Variants in RBFOX1 observed in about 807,000 individuals in gnomAD.
RBFOX1 encodes RNA binding protein fox-1 homolog 1.
RBFOX1 carries 8 observed loss-of-function variants against 57.7 expected under a neutral mutation model. That is an observed-to-expected ratio of 0.14 (90% confidence interval 0.08 to 0.25). RBFOX1 has a LOEUF of 0.25. RBFOX1 is among the 10% of genes least tolerant of loss of function. The pLI, the probability that RBFOX1 is intolerant of heterozygous loss-of-function variation, is 1.00. For synonymous variants in RBFOX1, 326 were observed against 222.4 expected (o/e 1.47, Z -4.15); for missense variants, 611 against 548.5 (o/e 1.11, Z -1.14).
intron 4 of RBFOX1, chr16:7,126,345 G>C: frequency 3.7e-6 from 1 of 267,844 alleles, no homozygotes; most frequent in Non-Finnish European, 7.3e-6. Context: ...TCTAAATCGA[G>C]GTGGGGGTTT....
intron 3 of RBFOX1, among the ~76,000 whole-genome samples, chr16:5,677,221 C>G (rs1206110535): frequency 6.6e-6 from 1 of 152,204 alleles, no homozygotes; most frequent in Non-Finnish European, 1.5e-5. Context: ...GATACCAATT[C>G]TCTTGAGGCT....
intron 3 of RBFOX1, among the ~76,000 whole-genome samples, chr16:6,744,893 A>G (rs62017585): frequency 0.23 from 34,345 of 151,906 alleles, 4,003 homozygotes; most frequent in East Asian, 0.32. Flanking sequence ...CTTTGAAACC[A>G]AAAGCTGGTG....
chr16:6,528,408 A>T (rs1171252100), intron 2 of RBFOX1, among the ~76,000 whole-genome samples: 1 of 152,214 alleles, frequency 6.6e-6, no homozygotes, highest in Admixed American at 6.5e-5. Flanking sequence ...ATCAATGCAC[A>T]GTCATTGCAG....
At chr16:6,193,392 C>CTATA (rs55707901) in intron 1 of RBFOX1, among the ~76,000 whole-genome samples, 1,905 of 43,152 alleles carry the variant, frequency 0.044, 103 homozygotes, top group East Asian at 0.1. Flanking sequence ...TATATATATA[C>CTATA]TATATATATA....
At chr16:5,994,098 C>T (rs1199325962) in intron 4 of RBFOX1, among the ~76,000 whole-genome samples, 2 of 152,166 alleles carry the variant, frequency 1.3e-5, no homozygotes, top group African/African-American at 4.8e-5. Flanking sequence ...TCGTTCGACT[C>T]TCTCTGTTCC....
intron 6 of RBFOX1, among the ~76,000 whole-genome samples, chr16:7,581,975 C>T (rs1401378190): frequency 1.3e-5 from 2 of 152,014 alleles, no homozygotes; most frequent in Admixed American, 6.6e-5. Context: ...CCTTGGCCTC[C>T]CAATGTGCTG....
chr16:6,481,581 T>C (rs2095371759), intron 2 of RBFOX1, among the ~76,000 whole-genome samples: 2 of 152,222 alleles, frequency 1.3e-5, no homozygotes, highest in South Asian at 4.1e-4. Context: ...AATAATACTC[T>C]ATATTTGTGA....
chr16:6,799,810 T>G (rs2084943091), intron 3 of RBFOX1, among the ~76,000 whole-genome samples: 1 of 152,080 alleles, frequency 6.6e-6, no homozygotes, highest in Non-Finnish European at 1.5e-5. Context: ...CTAGAGGCTC[T>G]TGGGACTTTA....
At chr16:7,061,041 C>A (rs77619590) in intron 4 of RBFOX1, among the ~76,000 whole-genome samples, 2 of 69,448 alleles carry the variant, frequency 2.9e-5, no homozygotes, top group African/African-American at 9.1e-5. Context: ...TGTGTGTGTA[C>A]GTGCACGTGC....
intron 2 of RBFOX1, among the ~76,000 whole-genome samples, chr16:6,326,280 G>T (rs888957776): frequency 2.0e-5 from 3 of 152,082 alleles, no homozygotes; most frequent in Non-Finnish European, 2.9e-5. Context: ...TAGGTACTGA[G>T]GATATCATAG....
chr16:7,460,608 CTA>C (rs1567287214), intron 4 of RBFOX1, among the ~76,000 whole-genome samples: 1 of 150,694 alleles, frequency 6.6e-6, no homozygotes, highest in East Asian at 1.9e-4. Flanking sequence ...GAAAAAATAA[CTA>C]TGGGTACTAG....
intron 2 of RBFOX1, among the ~76,000 whole-genome samples, chr16:6,583,053 C>G (rs1455870094): frequency 2.6e-5 from 4 of 151,760 alleles, no homozygotes; most frequent in Non-Finnish European, 4.4e-5. Flanking sequence ...TCACCCTTCT[C>G]TTTGGTGTTC....
intron 3 of RBFOX1, among the ~76,000 whole-genome samples, chr16:6,805,094 A>C (rs1374234167): frequency 1.3e-5 from 2 of 152,168 alleles, no homozygotes; most frequent in Non-Finnish European, 2.9e-5. Flanking sequence ...ATGCACGTGA[A>C]TGTTCACTGC....
chr16:7,453,128 C>CTA (rs71391637), intron 4 of RBFOX1, among the ~76,000 whole-genome samples: 4 of 113,248 alleles, frequency 3.5e-5, no homozygotes, highest in Non-Finnish European at 7.2e-5. Flanking sequence ...GGCTTTGTCT[C>CTA]AAAAAAAAAA....
Position 7,424,721 on chromosome 16 carries a change from C to T in RBFOX1, c.28-93426C>T, listed in dbSNP as rs369969587. ...CCTATGGAAGGGGATACAATTTCAG[C>T]TTTGACAGTTTGGGATCATAGTATT... On this transcript the variant is annotated intron_variant, in intron 4 of 15. Coordinates refer to ENST00000550418, the MANE Select transcript of RBFOX1 (RefSeq NM_018723.4). Among the ~76,000 whole-genome samples the T allele has an allele frequency of 2.6e-4, 40 of 152,286 alleles. 1 individual carries two copies. The highest frequency in any genetic ancestry group is 7.7e-4 in the African/African-American group (32 of 41,570).
intron 5 of RBFOX1, among the ~76,000 whole-genome samples, chr16:7,527,906 G>A (rs986200508): frequency 1.2e-4 from 18 of 152,122 alleles, no homozygotes; most frequent in African/African-American, 4.3e-4. Flanking sequence ...GAAATTTCCC[G>A]TTTCAAGTGC....
At chr16:5,289,967 A>C (rs13338514) in intron 1 of RBFOX1, among the ~76,000 whole-genome samples, 66,376 of 152,138 alleles carry the variant, frequency 0.44, 14,891 homozygotes, top group Non-Finnish European at 0.5. Flanking sequence ...AGTGAAAACA[A>C]CACAAATGCT....
At chr16:7,620,527 C>T (rs1392024297) in intron 10 of RBFOX1, among the ~76,000 whole-genome samples, 1 of 152,098 alleles carries the variant, frequency 6.6e-6, no homozygotes, top group Non-Finnish European at 1.5e-5. Flanking sequence ...TACATTCTGC[C>T]CAAAGGCTTC....
At chr16:7,345,807 C>G (rs113039817) in intron 4 of RBFOX1, among the ~76,000 whole-genome samples, 13 of 152,090 alleles carry the variant, frequency 8.5e-5, no homozygotes, top group African/African-American at 3.1e-4. Flanking sequence ...TTTTCTTTTT[C>G]TTTTTTTAAT....
Sources: allele counts gnomAD v4.1 joint callset (sites outside exome capture counted in the v4.1 genomes callset), GRCh38; gene constraint gnomAD v4.1.1; transcripts MANE v1.5; gene names NCBI Gene and HGNC (gene_info 2026-07-23, HGNC 2026-07-21).